The following SLC24A2 variants were observed in gnomAD, a reference collection of about 807,000 sequenced individuals.
SLC24A2 encodes sodium/potassium/calcium exchanger 2.
Under a neutral mutation model 62.0 loss-of-function variants are expected in SLC24A2, and 36 were observed. That is an observed-to-expected ratio of 0.58 (90% CI 0.44 to 0.77). The LOEUF is 0.77. SLC24A2 is among the 30% of genes least tolerant of loss of function. SLC24A2 has a pLI of 0.00. For missense variants in SLC24A2, 846 were observed against 817.9 expected (o/e 1.03, Z -0.42); for synonymous variants, 358 against 294.0 (o/e 1.22, Z -2.23).
the SLC24A2 span, among the ~76,000 whole-genome samples, chr9:20,051,657 CTT>C: frequency 1.1e-3 from 82 of 73,496 alleles, no homozygotes; most frequent in South Asian, 0.013. Context: ...TTTTCTTTCT[CTT>C]TTTTTTTTTT....
intron 2 of SLC24A2, among the ~76,000 whole-genome samples, chr9:19,690,146 T>A (rs1820002388): frequency 6.6e-6 from 1 of 151,794 alleles, no homozygotes; most frequent in South Asian, 2.1e-4. Context: ...AGTAAATCTC[T>A]CTCTCTCTGT....
At chr9:19,984,050 T>G in the SLC24A2 span, among the ~76,000 whole-genome samples, 5 of 152,340 alleles carry the variant, frequency 3.3e-5, no homozygotes, top group East Asian at 9.6e-4. Context: ...GTTGAAAATA[T>G]CATAAGTCAA....
the SLC24A2 span, among the ~76,000 whole-genome samples, chr9:20,009,877 G>T: frequency 1.3e-5 from 2 of 152,082 alleles, no homozygotes; most frequent in African/African-American, 2.4e-5. Flanking sequence ...CATATCTGTG[G>T]AGCAGAGCCT....
the SLC24A2 span, among the ~76,000 whole-genome samples, chr9:20,234,087 A>G: frequency 2.6e-5 from 4 of 152,204 alleles, no homozygotes; most frequent in African/African-American, 4.8e-5. Context: ...AGTTTCTGCC[A>G]AGAGATCAGC....
At chr9:19,568,873 G>A (rs1039136305) in intron 7 of SLC24A2, among the ~76,000 whole-genome samples, 120 of 152,270 alleles carry the variant, frequency 7.9e-4, no homozygotes, top group African/African-American at 2.7e-3. Flanking sequence ...CCCAGCCCCT[G>A]TTCTGGAAGT....
the SLC24A2 span, among the ~76,000 whole-genome samples, chr9:19,960,223 T>C: frequency 6.6e-6 from 1 of 152,096 alleles, no homozygotes; most frequent in Non-Finnish European, 1.5e-5. Context: ...CATACGTATG[T>C]ACATAACTGA....
chr9:19,836,959 C>A, the SLC24A2 span, among the ~76,000 whole-genome samples: 1 of 152,118 alleles, frequency 6.6e-6, no homozygotes, highest in Non-Finnish European at 1.5e-5. Flanking sequence ...AGCATATAAA[C>A]AGAACCAAAG....
At chr9:19,520,782 T>A (rs922009781) in intron 10 of SLC24A2, 112 bp downstream of exon 10, 4 of 914,700 alleles carry the variant, frequency 4.4e-6, no homozygotes, top group Middle Eastern at 5.7e-4. Context: ...TACTCTGTAT[T>A]GGTATTGGTT....
intron 2 of SLC24A2, among the ~76,000 whole-genome samples, chr9:19,700,648 G>GT (rs1306935733): frequency 6.6e-6 from 1 of 152,124 alleles, no homozygotes; most frequent in East Asian, 1.9e-4. Context: ...AGTAGGAAGG[G>GT]TAAGAACGTC....
At chr9:19,535,185 T>C (rs934459381) in intron 8 of SLC24A2, among the ~76,000 whole-genome samples, 35 of 152,214 alleles carry the variant, frequency 2.3e-4, no homozygotes, top group Non-Finnish European at 4.6e-4. Flanking sequence ...TTCATATCCT[T>C]TGCCCACTTT....
intron 2 of SLC24A2, among the ~76,000 whole-genome samples, chr9:19,658,170 G>A (rs72501450): frequency 0.017 from 2,570 of 152,288 alleles, 72 homozygotes; most frequent in East Asian, 0.13. Context: ...CTTTCACTTG[G>A]GTTGATGACT....
the SLC24A2 span, among the ~76,000 whole-genome samples, chr9:19,990,923 A>ATATATATATG: frequency 5.1e-5 from 1 of 19,536 alleles, no homozygotes; most frequent in South Asian, 1.3e-3. Context: ...GACTAATAGG[A>ATATATATATG]TATATATATA....
intron 2 of SLC24A2, among the ~76,000 whole-genome samples, chr9:19,743,833 G>C (rs1371178022): frequency 6.6e-6 from 1 of 152,112 alleles, no homozygotes; most frequent in African/African-American, 2.4e-5. Context: ...CAGAAGGATG[G>C]ATCAACAGTA....
chr9:19,610,058 C>A (rs1460473764), intron 4 of SLC24A2, among the ~76,000 whole-genome samples: 2 of 152,092 alleles, frequency 1.3e-5, no homozygotes, highest in East Asian at 3.9e-4. Context: ...GTTGGGGACC[C>A]CTGCTTTAGT....
the SLC24A2 span, among the ~76,000 whole-genome samples, chr9:19,979,366 C>T: frequency 6.6e-6 from 1 of 152,232 alleles, no homozygotes; most frequent in South Asian, 2.1e-4. Context: ...GGGAATGGAA[C>T]ACATCATCAC....
chr9:20,218,117 G>A, the SLC24A2 span, among the ~76,000 whole-genome samples: 1 of 152,162 alleles, frequency 6.6e-6, no homozygotes, highest in Non-Finnish European at 1.5e-5. Flanking sequence ...GTTGAGCCTT[G>A]AGCTTCCAAA....
At chr9:19,657,044 C>T (rs1259868228) in intron 2 of SLC24A2, among the ~76,000 whole-genome samples, 2 of 152,236 alleles carry the variant, frequency 1.3e-5, no homozygotes, top group Non-Finnish European at 2.9e-5. Context: ...GGCTGAATTA[C>T]TGCCCCCATC....
At chr9:20,042,139 G>T in the SLC24A2 span, among the ~76,000 whole-genome samples, 1 of 152,200 alleles carries the variant, frequency 6.6e-6, no homozygotes, top group Non-Finnish European at 1.5e-5. Flanking sequence ...ATTGGCTGGG[G>T]TCAAGAGGGC....
In SLC24A2 at chr9:19,520,929, G is replaced by A; in HGVS notation, c.1701C>T (p.Ser567=). 1.9e-6 allele frequency: 3 copies of A among 1,613,984 alleles called. No homozygotes were observed. The highest frequency in any genetic ancestry group is 2.5e-6 in the Non-Finnish European group (3 of 1,179,982). ...TGTCAAAAATGTTGCTTCCAACAGA[G>A]CTGGACACAGCCATGTCCCCTAACC... ...RKGLGDMAVS[S]SVGSNIFDIT... is the part of the protein sequence containing the mutation. Residue 567 remains serine, a synonymous_variant, in exon 10 of 11, where the codon AGC becomes AGT. Coordinates refer to ENST00000341998, the MANE Select transcript of SLC24A2 (RefSeq NM_020344.4).
Sources: gnomAD v4.1 joint callset for allele counts (sites outside exome capture counted in the v4.1 genomes callset) on GRCh38, gnomAD v4.1.1 for gene constraint, MANE v1.5 for transcripts, NCBI Gene and HGNC (gene_info 2026-07-23, HGNC 2026-07-21) for gene names.